The following RBFOX1 variants were observed in gnomAD, a reference collection of about 807,000 sequenced individuals.
The protein encoded by RBFOX1 is RNA binding fox-1 homolog 1, also known as RNA binding protein fox-1 homolog 1.
RBFOX1 carries 8 observed loss-of-function variants against 57.7 expected under a neutral mutation model. That is an observed-to-expected ratio of 0.14 (90% CI 0.08 to 0.25). The LOEUF (loss-of-function observed/expected upper bound fraction) is 0.25, where lower values mean the gene tolerates loss of function less well. RBFOX1 is among the 10% of genes least tolerant of loss of function. RBFOX1 has a pLI of 1.00. For synonymous variants in RBFOX1, 326 were observed against 222.4 expected, an observed-to-expected ratio of 1.47 and a Z score of -4.15; for missense variants, 611 against 548.5, an observed-to-expected ratio of 1.11 and a Z score of -1.14.
chr16:7,440,313 G>A (rs2098756424), intron 4 of RBFOX1, among the ~76,000 whole-genome samples: 1 of 152,156 alleles, frequency 6.6e-6, no homozygotes, highest in African/African-American at 2.4e-5. Context: ...AGGTAGGTAT[G>A]TGAACTAACA....
chr16:6,440,689 T>C (rs1219355641), intron 2 of RBFOX1, among the ~76,000 whole-genome samples: 2 of 151,222 alleles, frequency 1.3e-5, no homozygotes, highest in East Asian at 3.9e-4. Context: ...TAGTCCCAAC[T>C]ACTTGGGAGG....
chr16:6,323,953 A>G lies in RBFOX1; in HGVS notation c.-64+6896A>G, dbSNP rs547021219. 3.7e-4 allele frequency among the ~76,000 whole-genome samples: 56 copies of G among 152,174 alleles called. 1 individual carries two copies. The South Asian group carries it at 3.9e-3, about 11-fold the overall frequency. On this transcript the variant is annotated intron_variant, in intron 2 of 15. Transcript: ENST00000550418. ...ATGCTCAGCTAGTGTTTGTATTTTT[A>G]GTAGAGAAAGGGTTTTGCCATGTTG...
At chr16:6,612,677 C>T (rs565936771) in intron 2 of RBFOX1, among the ~76,000 whole-genome samples, 1 of 151,872 alleles carries the variant, frequency 6.6e-6, no homozygotes, top group Non-Finnish European at 1.5e-5. Flanking sequence ...CATGACAAAA[C>T]CCCTCCTCTA....
At chr16:7,219,983 T>C (rs1215773415) in intron 4 of RBFOX1, among the ~76,000 whole-genome samples, 1 of 152,206 alleles carries the variant, frequency 6.6e-6, no homozygotes, top group Non-Finnish European at 1.5e-5. Flanking sequence ...CTGAGTTCAG[T>C]TGGTTTTTGT....
intron 3 of RBFOX1, among the ~76,000 whole-genome samples, chr16:6,873,262 A>C (rs1391073954): frequency 6.6e-6 from 1 of 152,152 alleles, no homozygotes; most frequent in Non-Finnish European, 1.5e-5. Context: ...TAATTTATAC[A>C]TTAGTTATCT....
chr16:6,201,798 C>G (rs1441514368), intron 1 of RBFOX1, among the ~76,000 whole-genome samples: 1 of 152,148 alleles, frequency 6.6e-6, no homozygotes, highest in African/African-American at 2.4e-5. Flanking sequence ...ATATGTACAT[C>G]TATTTTGTGT....
chr16:6,532,868 G>C (rs1223784484), intron 2 of RBFOX1, among the ~76,000 whole-genome samples: 1 of 152,174 alleles, frequency 6.6e-6, no homozygotes, highest in East Asian at 1.9e-4. Flanking sequence ...GTGAATTGAA[G>C]ACCCTTCTCT....
At chr16:6,737,572 T>C (rs2070757998) in intron 3 of RBFOX1, among the ~76,000 whole-genome samples, 1 of 152,192 alleles carries the variant, frequency 6.6e-6, no homozygotes, top group Admixed American at 6.5e-5. Flanking sequence ...TGGACTCTGC[T>C]TCTAGGATGT....
At chr16:7,223,816 C>G (rs1239523335) in intron 4 of RBFOX1, among the ~76,000 whole-genome samples, 1 of 74,848 alleles carries the variant, frequency 1.3e-5, no homozygotes, top group Non-Finnish European at 2.3e-5. Context: ...ACTTCCTAAA[C>G]CAAAAGAGCA....
intron 3 of RBFOX1, among the ~76,000 whole-genome samples, chr16:6,911,910 T>C (rs1389435822): frequency 6.6e-6 from 1 of 152,294 alleles, no homozygotes; most frequent in African/African-American, 2.4e-5. Flanking sequence ...TGGCCAAATA[T>C]AGAAGACACA....
intron 3 of RBFOX1, among the ~76,000 whole-genome samples, chr16:5,738,635 GAA>G (rs61011633): frequency 1.3e-4 from 8 of 61,188 alleles, no homozygotes; most frequent in South Asian, 7.2e-4. Flanking sequence ...CTCTGTCTCA[GAA>G]AAAAAAAAAA....
At chr16:6,845,280 G>C (rs1426561445) in intron 3 of RBFOX1, among the ~76,000 whole-genome samples, 2 of 151,714 alleles carry the variant, frequency 1.3e-5, no homozygotes, top group Admixed American at 6.6e-5. Context: ...GTATTGCCTA[G>C]GTTTTTTTTT....
intron 10 of RBFOX1, among the ~76,000 whole-genome samples, chr16:7,629,659 C>T (rs1260277606): frequency 6.6e-6 from 1 of 152,218 alleles, no homozygotes; most frequent in African/African-American, 2.4e-5. Context: ...CAATTCCTGA[C>T]CCCAGTCATC....
intron 4 of RBFOX1, among the ~76,000 whole-genome samples, chr16:7,224,124 T>C (rs922910320): frequency 1.4e-4 from 14 of 100,954 alleles, no homozygotes; most frequent in Admixed American, 1.2e-4. Flanking sequence ...TTCTTCCTTT[T>C]TCTAAAAAAA....
chr16:6,144,795 A>G (rs1263106518), intron 1 of RBFOX1, among the ~76,000 whole-genome samples: 1 of 152,178 alleles, frequency 6.6e-6, no homozygotes, highest in African/African-American at 2.4e-5. Context: ...GCTCAGATAG[A>G]TGTTTTTGAT....
chr16:5,528,736 A>C (rs1597407660), intron 2 of RBFOX1, among the ~76,000 whole-genome samples: 1 of 145,844 alleles, frequency 6.9e-6, no homozygotes, highest in East Asian at 2.0e-4. Context: ...TGCAACCTCC[A>C]CCTCCCAGGT....
At chr16:7,334,142 T>G (rs538988874) in intron 4 of RBFOX1, among the ~76,000 whole-genome samples, 2 of 152,304 alleles carry the variant, frequency 1.3e-5, no homozygotes, top group East Asian at 3.9e-4. Context: ...TGAACTTTGC[T>G]GTTACCTTTT....
intron 3 of RBFOX1, among the ~76,000 whole-genome samples, chr16:5,755,626 T>G (rs1163018455): frequency 1.3e-5 from 2 of 152,210 alleles, no homozygotes; most frequent in Non-Finnish European, 2.9e-5. Flanking sequence ...GAGACAGTGT[T>G]TCACTCTTGT....
At chr16:6,317,390 GTCCCCCTTC>G (rs2081243517) in intron 2 of RBFOX1, among the ~76,000 whole-genome samples, 3 of 151,986 alleles carry the variant, frequency 2.0e-5, no homozygotes, top group Non-Finnish European at 1.5e-5. Context: ...GAGACATTCT[GTCCCCCTTC>G]TGAGTCACAT....
Sources: allele counts gnomAD v4.1 joint callset (sites outside exome capture counted in the v4.1 genomes callset), GRCh38; gene constraint gnomAD v4.1.1; transcripts MANE v1.5; gene names NCBI Gene and HGNC (gene_info 2026-07-23, HGNC 2026-07-21).